Variants in ARL15 observed in about 807,000 individuals in gnomAD.
ARL15 encodes ARF like GTPase 15, also known as ADP-ribosylation factor-like protein 15.
ARL15 carries 19 observed loss-of-function variants against 25.2 expected under a neutral mutation model. That is an observed-to-expected ratio of 0.75 (90% CI 0.53 to 1.10). The LOEUF (loss-of-function observed/expected upper bound fraction) is 1.10, where lower values mean the gene tolerates loss of function less well. Among genes scored for constraint, ARL15 ranks in the 50% least tolerant of loss-of-function variants. The pLI, the probability that ARL15 is intolerant of heterozygous loss-of-function variation, is 0.00. For missense variants in ARL15, 220 were observed against 246.0 expected, an observed-to-expected ratio of 0.89 and a Z score of 0.71; for synonymous variants, 94 against 86.8, an observed-to-expected ratio of 1.08 and a Z score of -0.46.
intron 1 of ARL15, among the ~76,000 whole-genome samples, chr5:54,309,529 C>T (rs948527072): frequency 2.6e-5 from 4 of 152,196 alleles, no homozygotes; most frequent in African/African-American, 9.7e-5. Context: ...TAACCGTCTA[C>T]TTCAACTCTG....
At chr5:54,030,588 A>G (rs1284430026) in intron 4 of ARL15, among the ~76,000 whole-genome samples, 2 of 152,208 alleles carry the variant, frequency 1.3e-5, no homozygotes, top group African/African-American at 4.8e-5. Context: ...AATTCTGGGA[A>G]GCATCACCAG....
intron 4 of ARL15, among the ~76,000 whole-genome samples, chr5:54,075,887 G>C (rs144512113): frequency 2.0e-5 from 3 of 152,100 alleles, no homozygotes; most frequent in African/African-American, 7.2e-5. Context: ...TGAAGAGTAC[G>C]GACTAGGTAA....
intron 1 of ARL15, among the ~76,000 whole-genome samples, chr5:54,272,525 C>A (rs925878062): frequency 6.6e-6 from 1 of 152,058 alleles, no homozygotes; most frequent in Non-Finnish European, 1.5e-5. Context: ...TCAAGGGTCA[C>A]CATGTCACTT....
chr5:54,072,151 G>A (rs116128850), intron 4 of ARL15, among the ~76,000 whole-genome samples: 1 of 152,026 alleles, frequency 6.6e-6, no homozygotes, highest in Non-Finnish European at 1.5e-5. Flanking sequence ...AGAGGTTTTA[G>A]GATATGTCTT....
chr5:54,119,865 T>G (rs1753019958), intron 3 of ARL15, among the ~76,000 whole-genome samples: 1 of 152,162 alleles, frequency 6.6e-6, no homozygotes, highest in Admixed American at 6.5e-5. Flanking sequence ...TCCACCAAGC[T>G]TTACCTGATC....
intron 4 of ARL15, among the ~76,000 whole-genome samples, chr5:53,896,496 A>T (rs892356380): frequency 3.3e-5 from 5 of 150,092 alleles, no homozygotes; most frequent in Admixed American, 6.7e-5. Flanking sequence ...TTATTTATTT[A>T]TTTTTTCTTT....
At chr5:53,963,805 TCA>T (rs60458728) in intron 4 of ARL15, among the ~76,000 whole-genome samples, 14,191 of 142,916 alleles carry the variant, frequency 0.099, 685 homozygotes, top group South Asian at 0.12. Flanking sequence ...TGAAACTCCA[TCA>T]CACACACACA....
chr5:54,083,614 C>G (rs1046617618), intron 4 of ARL15, among the ~76,000 whole-genome samples: 1 of 152,106 alleles, frequency 6.6e-6, no homozygotes, highest in Non-Finnish European at 1.5e-5. Context: ...CATTTAGGTT[C>G]TTTTAGGAAT....
intron 4 of ARL15, among the ~76,000 whole-genome samples, chr5:54,049,589 AC>A (rs755442312): frequency 3.3e-5 from 5 of 150,656 alleles, no homozygotes; most frequent in African/African-American, 4.9e-5. Context: ...ATTTGGTGAC[AC>A]AGAGGTTTTG....
intron 4 of ARL15, among the ~76,000 whole-genome samples, chr5:53,967,748 T>G (rs973155084): frequency 5.3e-5 from 8 of 152,004 alleles, no homozygotes; most frequent in African/African-American, 1.7e-4. Context: ...TGTTGAGAGA[T>G]TTGCCCAGCG....
At chr5:54,197,545 G>A (rs918868591) in intron 1 of ARL15, among the ~76,000 whole-genome samples, 4 of 152,026 alleles carry the variant, frequency 2.6e-5, no homozygotes, top group Non-Finnish European at 5.9e-5. Context: ...CCACATTTTG[G>A]GGGGAAATGC....
chr5:54,013,331 T>C (rs541941230), intron 4 of ARL15, among the ~76,000 whole-genome samples: 3 of 152,326 alleles, frequency 2.0e-5, no homozygotes, highest in Admixed American at 2.0e-4. Flanking sequence ...CATGACTGAT[T>C]CCATCTTGCT....
At chr5:54,034,920 C>T (rs948821689) in intron 4 of ARL15, among the ~76,000 whole-genome samples, 4 of 151,750 alleles carry the variant, frequency 2.6e-5, no homozygotes, top group Admixed American at 6.6e-5. Context: ...CTACCTGCCT[C>T]GGACTCCCAA....
intron 3 of ARL15, among the ~76,000 whole-genome samples, chr5:54,153,389 G>A (rs571430220): frequency 1.7e-4 from 26 of 152,060 alleles, no homozygotes; most frequent in Admixed American, 1.3e-3. Flanking sequence ...TGTATTTAAG[G>A]TTTTAAGCAT....
At position 53,909,650 on chromosome 5, in the gene ARL15, G is replaced by T. The variant is rs371346300; in HGVS notation, c.463-22937C>A. Among the ~76,000 whole-genome samples the T allele has an allele frequency of 2.0e-5, 3 of 152,310 alleles. No homozygotes were observed. The East Asian group carries it at 5.8e-4, about 29-fold the overall frequency. Reference sequence around the variant, plus strand: ...GAACCTGGTAGGCGGAGGCTGTGGTGAGCCAAAATCACGCCATTGCAGTCC... The same window carrying T: ...GAACCTGGTAGGCGGAGGCTGTGGTTAGCCAAAATCACGCCATTGCAGTCC... On this transcript the variant is annotated intron_variant, in intron 4 of 4. Coordinates refer to ENST00000504924, the MANE Select transcript of ARL15 (RefSeq NM_019087.3).
chr5:54,081,231 A>T (rs1461892145), intron 4 of ARL15, among the ~76,000 whole-genome samples: 1 of 152,158 alleles, frequency 6.6e-6, no homozygotes, highest in African/African-American at 2.4e-5. Flanking sequence ...GTTATTGGTT[A>T]TTGTGTGATG....
chr5:54,007,125 GA>G (rs1253401405), intron 4 of ARL15, among the ~76,000 whole-genome samples: 1 of 152,162 alleles, frequency 6.6e-6, no homozygotes, highest in African/African-American at 2.4e-5. Flanking sequence ...TGCCTTGCTT[GA>G]TTTCATTTTG....
At chr5:54,288,643 C>T (rs1053188066) in intron 1 of ARL15, among the ~76,000 whole-genome samples, 1 of 152,164 alleles carries the variant, frequency 6.6e-6, no homozygotes, top group Non-Finnish European at 1.5e-5. Context: ...CTGAGTAAAG[C>T]AGGTTTACAG....
intron 3 of ARL15, among the ~76,000 whole-genome samples, chr5:54,131,228 C>G (rs1400654524): frequency 6.6e-6 from 1 of 152,192 alleles, no homozygotes; most frequent in East Asian, 1.9e-4. Flanking sequence ...GCTTATTAGC[C>G]TGTCATTCAA....
Sources: gnomAD v4.1 joint callset for allele counts (sites outside exome capture counted in the v4.1 genomes callset) on GRCh38, gnomAD v4.1.1 for gene constraint, MANE v1.5 for transcripts, NCBI Gene and HGNC (gene_info 2026-07-23, HGNC 2026-07-21) for gene names.